The following KLHL8 variants were observed in gnomAD, a reference collection of about 807,000 sequenced individuals.
KLHL8 encodes the protein kelch-like protein 8.
KLHL8 carries 38 observed loss-of-function variants against 63.5 expected under a neutral mutation model. That is an observed-to-expected ratio of 0.60 (90% CI 0.46 to 0.78). KLHL8 has a LOEUF of 0.78. KLHL8 is among the 30% of genes least tolerant of loss of function. The pLI is 0.00. For synonymous variants in KLHL8, 224 were observed against 254.3 expected (o/e 0.88, Z 1.13); for missense variants, 566 against 752.4 (o/e 0.75, Z 2.90).
chr4:87,190,874 C>CTCTTTT (rs1437163286), intron 2 of KLHL8, among the ~76,000 whole-genome samples: 2 of 152,182 alleles, frequency 1.3e-5, no homozygotes, highest in Admixed American at 6.5e-5. Flanking sequence ...TATCTGTGGC[C>CTCTTTT]TCTTTTTCTT....
At chr4:87,233,902 T>C (rs1733180611) in intron 1 of KLHL8, among the ~76,000 whole-genome samples, 1 of 152,222 alleles carries the variant, frequency 6.6e-6, no homozygotes, top group South Asian at 2.1e-4. Context: ...TAAATGTATC[T>C]TTTAGAAGCA....
intron 1 of KLHL8, among the ~76,000 whole-genome samples, chr4:87,204,511 T>C (rs901709268): frequency 9.2e-5 from 14 of 152,224 alleles, no homozygotes; most frequent in Non-Finnish European, 1.9e-4. Flanking sequence ...AACTTGCATA[T>C]GAAAACATAT....
At chr4:87,180,704 C>T (rs1313373255) in intron 4 of KLHL8, among the ~76,000 whole-genome samples, 1 of 152,146 alleles carries the variant, frequency 6.6e-6, no homozygotes, top group Non-Finnish European at 1.5e-5. Context: ...GCTGCTTGTG[C>T]TATCTTTTTC....
rs1249429970 is a variant in KLHL8, at chr4:87,161,514, C to T, written c.*2005G>A. 1.3e-5 allele frequency: 2 copies of T among 152,112 alleles called. No individual in the cohort carries two copies. Among genetic ancestry groups the T allele is most frequent in the Non-Finnish European group, 2.9e-5 (2 of 68,024 alleles). 9.4% of individuals were successfully genotyped at this position (152,112 alleles called of 1,614,324 possible). On this transcript the variant is annotated 3_prime_UTR_variant, in exon 10 of 10. Coordinates refer to ENST00000273963, the MANE Select transcript of KLHL8 (RefSeq NM_020803.5). Reference sequence around the variant, plus strand: ...AATGAAAATATAATAACCCTTATAACTCCTTACATATAAGAAAGACAGAAA... The same window carrying T: ...AATGAAAATATAATAACCCTTATAATTCCTTACATATAAGAAAGACAGAAA...
upstream of KLHL8, among the ~76,000 whole-genome samples, chr4:87,225,116 A>G (rs556529517): frequency 3.3e-5 from 5 of 151,402 alleles, no homozygotes; most frequent in South Asian, 8.4e-4. Context: ...AAAGTTCCCA[A>G]TTTTTCTGTG....
intron 1 of KLHL8, among the ~76,000 whole-genome samples, chr4:87,204,979 C>T (rs112150819): frequency 0.077 from 11,708 of 151,998 alleles, 634 homozygotes; most frequent in Non-Finnish European, 0.12. Context: ...GTCAATTTTG[C>T]TATATGATAA....
chr4:87,186,183 C>A (rs911172942), intron 2 of KLHL8, among the ~76,000 whole-genome samples: 2 of 151,878 alleles, frequency 1.3e-5, no homozygotes, highest in Admixed American at 6.6e-5. Context: ...GGATTACAGG[C>A]GTGCACCACC....
At chr4:87,173,286 A>T (rs753867090) in intron 6 of KLHL8, among the ~76,000 whole-genome samples, 2 of 152,182 alleles carry the variant, frequency 1.3e-5, no homozygotes, top group African/African-American at 2.4e-5. Context: ...TTATGTCATT[A>T]TTTGTTATCT....
chr4:87,167,267 A>G (rs577679372), intron 8 of KLHL8: 46 of 481,110 alleles, frequency 9.6e-5, no homozygotes, highest in African/African-American at 7.1e-4. Context: ...GACAGGACCC[A>G]TATTAGAGAC....
intron 8 of KLHL8, chr4:87,167,570 T>C (rs1730450911): frequency 3.8e-6 from 2 of 529,298 alleles, no homozygotes; most frequent in Middle Eastern, 5.8e-4. Flanking sequence ...GGGGCTGTTA[T>C]GCTAAGAAGA....
rs146715219 is a variant in KLHL8 at position 87,234,247 on chromosome 4, G to C, written n.57+6011C>G. ...AAGGTCAAGAGATTGAGACCATCCT[G>C]ACCAACATGGTAAAACTGCATCTCT... On this transcript the variant is annotated intron_variant and non_coding_transcript_variant, in intron 1 of 1. Transcript: ENST00000506274. 5.2e-3 allele frequency among the ~76,000 whole-genome samples: 794 copies of C among 152,246 alleles called. 7 individuals are homozygous for C. The highest frequency in any genetic ancestry group is 0.018 in the African/African-American group (753 of 41,528).
intron 1 of KLHL8, chr4:87,207,065 A>G: frequency 4.6e-6 from 2 of 437,678 alleles, no homozygotes; most frequent in Middle Eastern, 8.3e-4. Context: ...CTTCTCATGC[A>G]TTGCCAGCTG....
intron 3 of KLHL8, among the ~76,000 whole-genome samples, chr4:87,184,428 T>C (rs1731174343): frequency 6.6e-6 from 1 of 152,228 alleles, no homozygotes; most frequent in Non-Finnish European, 1.5e-5. Flanking sequence ...TTCTTACTAT[T>C]TGTTTAAGTT....
At position 87,163,480 on chromosome 4, in the gene KLHL8, T is replaced by C; in HGVS notation, c.*39A>G. On this transcript the variant is annotated 3_prime_UTR_variant, in exon 10 of 10. Transcript: ENST00000273963. The stretch of plus-strand genomic sequence containing the variant: ...CAAAATCTTGGTTTTCTTTTGTACC[T>C]ATCAGATATGACTAAATTGTTGGTG... 1.2e-6 allele frequency: 2 copies of C among 1,610,730 alleles called. No individual in the cohort carries two copies. Among genetic ancestry groups the C allele is most frequent in the Non-Finnish European group, 1.7e-6 (2 of 1,178,258 alleles).
At chr4:87,180,967 T>C (rs1455647105) in intron 4 of KLHL8, among the ~76,000 whole-genome samples, 1 of 152,052 alleles carries the variant, frequency 6.6e-6, no homozygotes, top group Non-Finnish European at 1.5e-5. Flanking sequence ...GCCCATGAGG[T>C]TCAAGGCACA....
At chr4:87,177,926 AAGAT>A (rs1730893352) in intron 5 of KLHL8, among the ~76,000 whole-genome samples, 2 of 152,176 alleles carry the variant, frequency 1.3e-5, no homozygotes. Flanking sequence ...CACACAGAGA[AAGAT>A]AGGCAAGATT....
Position 87,164,561 on chromosome 4 carries a change from G to A in KLHL8, c.1538-482C>T, listed in dbSNP as rs532166965. Among the ~76,000 whole-genome samples the A allele has an allele frequency of 3.9e-5, 6 of 152,144 alleles. No homozygotes were observed. In the East Asian group the frequency reaches 7.7e-4, roughly 20 times the overall value. On this transcript the variant is annotated intron_variant, in intron 8 of 9. Coordinates refer to ENST00000273963, the MANE Select transcript of KLHL8 (RefSeq NM_020803.5). ...AATTGTTTCCCTTAATACTATAATC[G>A]CCATCATAATTACAGAAATGGTGGA...
chr4:87,207,816 C>A, intron 1 of KLHL8: 1 of 1,111,192 alleles, frequency 9.0e-7, no homozygotes, highest in Non-Finnish European at 1.4e-6. Context: ...CGGTCATTAA[C>A]CTGACCTGCC....
chr4:87,210,265 A>G (rs1042430837), intron 1 of KLHL8, among the ~76,000 whole-genome samples: 2 of 152,082 alleles, frequency 1.3e-5, no homozygotes, highest in Admixed American at 1.3e-4. Context: ...GCGGATCACG[A>G]GGTCAGGAGA....
Sources: gnomAD v4.1 joint callset for allele counts (sites outside exome capture counted in the v4.1 genomes callset) on GRCh38, gnomAD v4.1.1 for gene constraint, MANE v1.5 for transcripts, NCBI Gene and HGNC (gene_info 2026-07-23, HGNC 2026-07-21) for gene names.